The following PCDH7 variants were observed in gnomAD, a reference collection of about 807,000 sequenced individuals.
PCDH7 encodes protocadherin 7, also known as protocadherin-7.
Under a neutral mutation model 58.9 loss-of-function variants are expected in PCDH7, and 17 were observed. The ratio of observed to expected loss-of-function variants is 0.29; its 90% CI spans 0.20 to 0.43. The LOEUF is 0.43. PCDH7 is among the 20% of genes least tolerant of loss of function. PCDH7 has a pLI of 1.00. For synonymous variants in PCDH7, 664 were observed against 616.4 expected, an observed-to-expected ratio of 1.08 and a Z score of -1.14; for missense variants, 1,274 against 1,441.0, an observed-to-expected ratio of 0.88 and a Z score of 1.88.
intron 3 of PCDH7, among the ~76,000 whole-genome samples, chr4:31,082,824 G>A (rs540738687): frequency 2.8e-4 from 43 of 152,218 alleles, no homozygotes; most frequent in South Asian, 1.0e-3. Context: ...ATTAAGGGCC[G>A]GGCACGGTGG....
intron 3 of PCDH7, among the ~76,000 whole-genome samples, chr4:31,119,354 GGGTTATAATTAA>G (rs1349665747): frequency 6.6e-6 from 1 of 152,040 alleles, no homozygotes; most frequent in African/African-American, 2.4e-5. Flanking sequence ...TGAGAGTCAA[GGGTTATAATTAA>G]TCCACACCCT....
chr4:31,138,294 T>C (rs529698516), intron 3 of PCDH7, among the ~76,000 whole-genome samples: 1 of 152,326 alleles, frequency 6.6e-6, no homozygotes, highest in Non-Finnish European at 1.5e-5. Flanking sequence ...AAACATATAA[T>C]TTTCTCCACT....
intron 1 of PCDH7, among the ~76,000 whole-genome samples, chr4:30,796,265 T>C (rs1474807540): frequency 6.6e-6 from 1 of 152,224 alleles, no homozygotes; most frequent in African/African-American, 2.4e-5. Flanking sequence ...GATCTTTAGA[T>C]TGACTACTTC....
chr4:31,056,522 A>AAG (rs1757253236), intron 3 of PCDH7, among the ~76,000 whole-genome samples: 1 of 135,254 alleles, frequency 7.4e-6, no homozygotes, highest in Non-Finnish European at 1.6e-5. Context: ...AGAAAGGGGA[A>AAG]GGGAAGGGAA....
chr4:30,887,534 A>T (rs1001671325), intron 1 of PCDH7, among the ~76,000 whole-genome samples: 2 of 152,224 alleles, frequency 1.3e-5, no homozygotes, highest in African/African-American at 4.8e-5. Flanking sequence ...GTAGACACAC[A>T]TTCAGTACAT....
chr4:30,730,757 G>T (rs373730319), exon 2 of PCDH7: 2 of 1,599,898 alleles, frequency 1.3e-6, no homozygotes, highest in Non-Finnish European at 1.7e-6. Context: ...TTTCAGATGC[G>T]TCTACATCCA....
At chr4:30,781,817 T>G (rs150010950) in intron 1 of PCDH7, among the ~76,000 whole-genome samples, 3,497 of 152,012 alleles carry the variant, frequency 0.023, 209 homozygotes, top group East Asian at 0.22. Flanking sequence ...ATTACAAGCG[T>G]GAGCCACCAC....
intron 3 of PCDH7, among the ~76,000 whole-genome samples, chr4:30,952,902 C>A (rs1014113997): frequency 2.0e-5 from 3 of 152,068 alleles, no homozygotes; most frequent in Non-Finnish European, 2.9e-5. Flanking sequence ...TCCAAATATC[C>A]CTCTCCACCA....
At chr4:31,095,358 G>T (rs973025131) in intron 3 of PCDH7, among the ~76,000 whole-genome samples, 11 of 152,018 alleles carry the variant, frequency 7.2e-5, no homozygotes, top group African/African-American at 2.2e-4. Flanking sequence ...TAGCTCAATG[G>T]GGGTACCTGC....
At chr4:31,118,575 A>G (rs935128338) in intron 3 of PCDH7, among the ~76,000 whole-genome samples, 6 of 152,136 alleles carry the variant, frequency 3.9e-5, no homozygotes, top group Admixed American at 2.6e-4. Flanking sequence ...GAAAAACAGG[A>G]TGTCAACCTG....
chr4:31,081,166 G>A (rs1208533239), intron 3 of PCDH7, among the ~76,000 whole-genome samples: 1 of 152,084 alleles, frequency 6.6e-6, no homozygotes, highest in East Asian at 1.9e-4. Flanking sequence ...AACTCTAAAT[G>A]GAATTTCTGG....
At chr4:30,901,997 T>C (rs1033871127) in intron 1 of PCDH7, among the ~76,000 whole-genome samples, 3 of 152,328 alleles carry the variant, frequency 2.0e-5, no homozygotes, top group East Asian at 1.9e-4. Context: ...CTATGCTATG[T>C]AACTGTGGGC....
chr4:31,135,497 C>T (rs1719490803), intron 3 of PCDH7, among the ~76,000 whole-genome samples: 1 of 152,130 alleles, frequency 6.6e-6, no homozygotes, highest in Admixed American at 6.5e-5. Context: ...CTCTGTGTAT[C>T]ACAGACTCTA....
chr4:31,026,940 G>A (rs961305275), intron 3 of PCDH7, among the ~76,000 whole-genome samples: 8 of 152,218 alleles, frequency 5.3e-5, no homozygotes, highest in Admixed American at 1.3e-4. Flanking sequence ...TAGTATTCTC[G>A]CAAAGGCTTC....
intron 3 of PCDH7, 122 bp from the exon 3 acceptor site, chr4:31,142,351 G>T (rs749530642): frequency 2.1e-6 from 2 of 933,108 alleles, no homozygotes; most frequent in Non-Finnish European, 2.9e-6. Context: ...GCTAGAGGGT[G>T]TTGGGAAATG....
At chr4:30,984,357 C>T (rs1274490050) in intron 3 of PCDH7, among the ~76,000 whole-genome samples, 2 of 152,154 alleles carry the variant, frequency 1.3e-5, no homozygotes, top group Admixed American at 1.3e-4. Context: ...TTGTTCGACG[C>T]TTATTGTGAG....
In PCDH7 at chr4:31,104,303, T is replaced by C. The variant is rs548103889; in HGVS notation, c.*8-38170T>C. Among the ~76,000 whole-genome samples, 6 of 152,290 alleles carry C rather than the reference T, an allele frequency of 3.9e-5. No homozygotes were observed. The East Asian group carries it at 1.2e-3, about 29-fold the overall frequency. On this transcript the variant is annotated intron_variant, in intron 3 of 3. Transcript: ENST00000509759. ...TGAACTGTGTGAGGTTTTGAGTAAA[T>C]GCATTCATCCCTAATTGTACTAAAT...
At chr4:30,841,158 A>G (rs4527444) in intron 1 of PCDH7, among the ~76,000 whole-genome samples, 98,251 of 151,886 alleles carry the variant, frequency 0.65, 33,903 homozygotes, top group African/African-American at 0.91. Context: ...AAATTGAAGA[A>G]AGAAACCTTC....
chr4:30,850,046 T>C (rs1386629888), intron 1 of PCDH7, among the ~76,000 whole-genome samples: 1 of 152,158 alleles, frequency 6.6e-6, no homozygotes, highest in Non-Finnish European at 1.5e-5. Flanking sequence ...CTAGATCCTT[T>C]ATCTCTTTTC....
Sources: allele counts gnomAD v4.1 joint callset (sites outside exome capture counted in the v4.1 genomes callset), GRCh38; gene constraint gnomAD v4.1.1; transcripts MANE v1.5; gene names NCBI Gene and HGNC (gene_info 2026-07-23, HGNC 2026-07-21).